Variants in EPC2 observed in about 807,000 individuals in gnomAD.
EPC2 encodes enhancer of polycomb homolog 2.
Under a neutral mutation model 92.1 loss-of-function variants are expected in EPC2, and 14 were observed. The ratio of observed to expected loss-of-function variants is 0.15; its 90% CI spans 0.10 to 0.24. The LOEUF (loss-of-function observed/expected upper bound fraction) is 0.24, where lower values mean the gene tolerates loss of function less well. Among genes scored for constraint, EPC2 ranks in the 10% least tolerant of loss-of-function variants. The probability of loss-of-function intolerance (pLI) is 1.00; values close to 1 mark genes in which losing one functional copy is unlikely to be tolerated. For synonymous variants in EPC2, 340 were observed against 334.7 expected (o/e 1.02, Z -0.17); for missense variants, 755 against 971.5 (o/e 0.78, Z 2.96).
rs1683758438 is a variant in EPC2 at position 148,644,815 on chromosome 2, T to G, written c.-203T>G. ...TCGGGCGGGCGAGCGGCGGATCTAGTGTGTGGAGGCGGCCGCGGGCGCGGG... is the reference window on the plus strand; with the variant it reads ...TCGGGCGGGCGAGCGGCGGATCTAGGGTGTGGAGGCGGCCGCGGGCGCGGG... On this transcript the variant is annotated 5_prime_UTR_variant, in exon 1 of 14. Transcript: ENST00000258484. 1.2e-5 allele frequency among the ~76,000 whole-genome samples: 1 copy of G among 80,760 alleles called. No individual in the cohort carries two copies. Among genetic ancestry groups the G allele is most frequent in the Non-Finnish European group, 2.5e-5 (1 of 39,982 alleles). 53.0% of individuals were successfully genotyped at this position (80,760 alleles called of 152,430 possible). A position where few individuals can be genotyped will look rare whatever the true frequency, so the allele number is the denominator to read the frequency against.
At chr2:148,719,425 G>C (rs893486284) in intron 2 of EPC2, among the ~76,000 whole-genome samples, 39 of 152,000 alleles carry the variant, frequency 2.6e-4, no homozygotes, top group African/African-American at 9.2e-4. Context: ...GGTATTTTGT[G>C]GTTTTTCTTT....
intron 4 of EPC2, among the ~76,000 whole-genome samples, chr2:148,758,239 G>A (rs1683231350): frequency 6.6e-6 from 1 of 152,140 alleles, no homozygotes; most frequent in South Asian, 2.1e-4. Context: ...AGTGTTGGCA[G>A]AATGATGGAA....
intron 3 of EPC2, among the ~76,000 whole-genome samples, chr2:148,749,233 G>T (rs938570944): frequency 1.3e-5 from 2 of 152,072 alleles, no homozygotes; most frequent in Non-Finnish European, 2.9e-5. Flanking sequence ...TGCCGGTGGT[G>T]TTCATAGTAC....
chr2:148,767,291 G>A (rs759367225), intron 7 of EPC2, among the ~76,000 whole-genome samples: 2 of 151,802 alleles, frequency 1.3e-5, no homozygotes, highest in Non-Finnish European at 2.9e-5. Flanking sequence ...TGAAAGTAGA[G>A]CTCACTCAGC....
intron 1 of EPC2, among the ~76,000 whole-genome samples, chr2:148,686,084 G>A (rs1429395876): frequency 1.3e-5 from 2 of 152,204 alleles, no homozygotes; most frequent in African/African-American, 4.8e-5. Context: ...GTTGTAGCAT[G>A]TGATGCTGTT....
chr2:148,783,713 G>C lies in EPC2; in HGVS notation c.1974G>C (p.Gln658His), dbSNP rs762100310. ...VPSRSEVAKEQNTGHNNINGV... is the reference protein window; with the variant it reads ...VPSRSEVAKEHNTGHNNINGV... ...GTCGCAGTGAGGTAGCCAAGGAACA[G>C]AACACTGGCCACAACAACATAAACG... is the stretch of plus-strand genomic sequence containing the variant. The change falls in exon 12 of 14, where the codon CAG becomes CAC. Residue 658 changes from glutamine to histidine, a missense_variant. Gln to His is a conservative substitution (Grantham distance 24). Transcript: ENST00000258484. 92 of 1,592,864 alleles carry C rather than the reference G, an allele frequency of 5.8e-5. No individual in the cohort carries two copies. The highest frequency in any genetic ancestry group is 3.3e-4 in the Middle Eastern group (2 of 6,004).
intron 9 of EPC2, 49 bp from the exon 10 acceptor site, chr2:148,770,995 A>AACAT (rs1335057752): frequency 6.3e-7 from 1 of 1,596,672 alleles, no homozygotes; most frequent in Non-Finnish European, 8.5e-7. Flanking sequence ...AGACAAAGAG[A>AACAT]ACATGTTCAG....
At chr2:148,659,011 A>C (rs1209108764) in intron 1 of EPC2, among the ~76,000 whole-genome samples, 1 of 152,072 alleles carries the variant, frequency 6.6e-6, no homozygotes, top group Non-Finnish European at 1.5e-5. Flanking sequence ...GAGGCAGTGC[A>C]TGGGTGGTGG....
chr2:148,705,886 A>G (rs1430459955), intron 2 of EPC2, among the ~76,000 whole-genome samples: 3 of 152,336 alleles, frequency 2.0e-5, no homozygotes, highest in African/African-American at 7.2e-5. Flanking sequence ...AACCACAAAG[A>G]TGGGGAGAAA....
intron 2 of EPC2, among the ~76,000 whole-genome samples, chr2:148,735,354 A>G (rs1412136848): frequency 6.6e-6 from 1 of 152,022 alleles, no homozygotes; most frequent in Non-Finnish European, 1.5e-5. Context: ...ATGGGTATGA[A>G]TTGGTATTTG....
At chr2:148,774,409 T>G (rs553720782) in intron 10 of EPC2, among the ~76,000 whole-genome samples, 1 of 150,424 alleles carries the variant, frequency 6.6e-6, no homozygotes, top group South Asian at 2.1e-4. Flanking sequence ...GGTAGATCAC[T>G]TGAGGCCAGG....
In EPC2 at chr2:148,697,799, G is replaced by A. The variant is rs546672055; in HGVS notation, c.313+7426G>A. On this transcript the variant is annotated intron_variant, in intron 2 of 13. Coordinates refer to ENST00000258484, the MANE Select transcript of EPC2 (RefSeq NM_015630.4). ...GGGTTTTAGGGATTAACTCAGCAGA[G>A]CTAGAGAACCCATTCTAGTGCCTTT... Among the ~76,000 whole-genome samples, 8 of 152,298 alleles carry A rather than the reference G, an allele frequency of 5.3e-5. No individual in the cohort carries two copies. In the South Asian group the frequency reaches 1.4e-3, roughly 28 times the overall value.
At chr2:148,647,173 A>C (rs1242818926) in intron 1 of EPC2, among the ~76,000 whole-genome samples, 1 of 152,168 alleles carries the variant, frequency 6.6e-6, no homozygotes, top group African/African-American at 2.4e-5. Context: ...AAGGTATATT[A>C]CTTTTTGCAA....
intron 2 of EPC2, among the ~76,000 whole-genome samples, chr2:148,734,076 GTTGT>G (rs1372302283): frequency 6.6e-6 from 1 of 152,084 alleles, no homozygotes; most frequent in African/African-American, 2.4e-5. Context: ...CCCATGCCTG[GTTGT>G]TTATTACTTC....
At chr2:148,659,277 TC>T (rs1199421775) in intron 1 of EPC2, among the ~76,000 whole-genome samples, 1 of 152,112 alleles carries the variant, frequency 6.6e-6, no homozygotes, top group African/African-American at 2.4e-5. Flanking sequence ...GTTTACCACT[TC>T]CCTTCCAGAG....
chr2:148,776,352 T>G (rs1353173014), intron 10 of EPC2, among the ~76,000 whole-genome samples: 2 of 152,226 alleles, frequency 1.3e-5, no homozygotes, highest in Non-Finnish European at 2.9e-5. Flanking sequence ...AATATTTGGC[T>G]TGGGTTTCAG....
At chr2:148,707,275 A>T (rs1682021478) in intron 2 of EPC2, among the ~76,000 whole-genome samples, 1 of 152,220 alleles carries the variant, frequency 6.6e-6, no homozygotes. Flanking sequence ...TGGTAAAGGG[A>T]TCAATTCAAC....
chr2:148,753,602 T>C (rs1399774930), intron 3 of EPC2, among the ~76,000 whole-genome samples: 1 of 152,082 alleles, frequency 6.6e-6, no homozygotes, highest in Admixed American at 6.6e-5. Flanking sequence ...AATATCAGAG[T>C]TTTGAAAGAT....
chr2:148,653,043 G>C (rs569202489), intron 1 of EPC2, among the ~76,000 whole-genome samples: 1 of 152,276 alleles, frequency 6.6e-6, no homozygotes, highest in South Asian at 2.1e-4. Flanking sequence ...GTATGAAAAA[G>C]AGCATGTGCA....
Sources: gnomAD v4.1 joint callset for allele counts (sites outside exome capture counted in the v4.1 genomes callset) on GRCh38, gnomAD v4.1.1 for gene constraint, MANE v1.5 for transcripts, NCBI Gene and HGNC (gene_info 2026-07-23, HGNC 2026-07-21) for gene names.